The following DKKL1 variants were observed in gnomAD, a reference collection of about 807,000 sequenced individuals.
DKKL1 encodes the protein dickkopf-like protein 1.
Under a neutral mutation model 16.5 loss-of-function variants are expected in DKKL1, and 11 were observed. The observed-to-expected ratio is 0.67, with a 90% CI of 0.42 to 1.10. The LOEUF (loss-of-function observed/expected upper bound fraction) is 1.10. Among genes scored for constraint, DKKL1 ranks in the 50% least tolerant of loss-of-function variants. The pLI is 0.00. For synonymous variants in DKKL1, 119 were observed against 133.2 expected, an observed-to-expected ratio of 0.89 and a Z score of 0.73; for missense variants, 320 against 308.1, an observed-to-expected ratio of 1.04 and a Z score of -0.29.
chr19:49,362,472 G>C (rs1303813285), upstream of DKKL1: 1 of 152,306 alleles, frequency 6.6e-6, no homozygotes, highest in African/African-American at 2.4e-5. Context: ...ACCGGAGGGG[G>C]GGGCGGGCCC....
At chr19:49,366,182 T>C (rs1302007599) in intron 4 of DKKL1, among the ~76,000 whole-genome samples, 1 of 152,132 alleles carries the variant, frequency 6.6e-6, no homozygotes, top group Non-Finnish European at 1.5e-5. Flanking sequence ...CTGCCCATCT[T>C]GGCCTTCCAA....
At chr19:49,365,911 T>C (rs1450933288) in intron 4 of DKKL1, 26 bp downstream of exon 4, 8 of 1,596,856 alleles carry the variant, frequency 5.0e-6, no homozygotes, top group South Asian at 1.1e-5. Flanking sequence ...GCCGTCAAAG[T>C]GTCCAGGCCC....
chr19:49,368,235 C>G (rs1437823065), intron 4 of DKKL1, among the ~76,000 whole-genome samples: 2 of 151,774 alleles, frequency 1.3e-5, no homozygotes, highest in African/African-American at 4.8e-5. Context: ...ATTGTTTGAA[C>G]CCGGGAGGCA....
Position 49,363,931 on chromosome 19 carries a change from A to C in DKKL1, c.-68A>C. ...GCTTTAACAGTACGTGGGCGGCCGG[A>C]ATCCGGGAGTCCGGTGACCCGGGCT... On this transcript the variant is annotated 5_prime_UTR_variant, in exon 1 of 5. Transcript: ENST00000221498. 1 of 1,601,990 alleles carries C rather than the reference A, an allele frequency of 6.2e-7. No individual in the cohort carries two copies. The highest frequency in any genetic ancestry group is 8.5e-7 in the Non-Finnish European group (1 of 1,174,022).
chr19:49,374,053 C>T (rs1271355066), intron 4 of DKKL1, among the ~76,000 whole-genome samples: 1 of 151,694 alleles, frequency 6.6e-6, no homozygotes, highest in Middle Eastern at 3.2e-3. Flanking sequence ...GGTGCGATCT[C>T]GGCTCACTGC....
upstream of DKKL1, chr19:49,363,470 T>C (rs76174567): frequency 0.027 from 5,430 of 197,550 alleles, 293 homozygotes; most frequent in African/African-American, 0.12. Context: ...GACTGGAACT[T>C]GGGGTGATGA....
chr19:49,364,654 C>A lies in DKKL1; in HGVS notation c.83C>A (p.Ser28Tyr). The change falls in exon 2 of 5, where the codon TCC becomes TAC. Residue 28 changes from serine (S) to tyrosine (Y), a missense_variant. Ser to Tyr is a moderately radical substitution (Grantham distance 144). Coordinates refer to ENST00000221498, the MANE Select transcript of DKKL1 (RefSeq NM_014419.4). ...LLLLSTLVIP[S>Y]AAAPIHDADA... is the part of the protein sequence containing the mutation. ...CTCCTCTCTACCCTGGTGATCCCCT[C>A]CGCTGCAGCTCCTATCCATGATGCT... 1 of 1,614,000 alleles carries A rather than the reference C, an allele frequency of 6.2e-7. No individual in the cohort carries two copies. The highest frequency in any genetic ancestry group is 8.5e-7 in the Non-Finnish European group (1 of 1,180,044).
upstream of DKKL1, chr19:49,363,645 A>T (rs1215613908): frequency 5.2e-6 from 2 of 382,608 alleles, no homozygotes; most frequent in Non-Finnish European, 1.0e-5. Flanking sequence ...GGTCTCCAGG[A>T]CTGAGGTCAA....
Position 49,365,775 on chromosome 19 carries a change from C to G in DKKL1, c.325-18C>G. On this transcript the variant is annotated intron_variant, in intron 3 of 4. Transcript: ENST00000221498. ...AGGAAAGCAGGTTTGCTCTCACTCT[C>G]TCATCGGATCCTCACAGATGACCGA... 2 of 1,612,690 alleles carry G rather than the reference C, an allele frequency of 1.2e-6. No homozygotes were observed. The highest frequency in any genetic ancestry group is 1.7e-6 in the Non-Finnish European group (2 of 1,179,236).
intron 4 of DKKL1, among the ~76,000 whole-genome samples, chr19:49,374,053 C>A (rs1271355066): frequency 6.6e-6 from 1 of 151,694 alleles, no homozygotes; most frequent in South Asian, 2.1e-4. Context: ...GGTGCGATCT[C>A]GGCTCACTGC....
chr19:49,361,847 A>G (rs557125682), upstream of DKKL1: 1 of 152,734 alleles, frequency 6.5e-6, no homozygotes, highest in South Asian at 2.1e-4. Context: ...GGACCCCCGT[A>G]GGCCAAAATC....
chr19:49,363,807 C>A, upstream of DKKL1: 2 of 771,400 alleles, frequency 2.6e-6, no homozygotes, highest in Non-Finnish European at 4.3e-6. Context: ...GTGAGGCCGG[C>A]AAGTTTGGAG....
chr19:49,362,542 T>G (rs1024416287), upstream of DKKL1: 6 of 151,578 alleles, frequency 4.0e-5, no homozygotes, highest in East Asian at 1.2e-3. Context: ...GATTTTTGCT[T>G]TGGGAGAGAT....
chr19:49,370,429 A>G (rs2146789040), intron 4 of DKKL1: 1 of 152,038 alleles, frequency 6.6e-6, no homozygotes, highest in East Asian at 1.9e-4. Flanking sequence ...GACCTTGCCA[A>G]TGAAAGCTCA....
At chr19:49,367,040 T>A (rs765573569) in intron 4 of DKKL1, among the ~76,000 whole-genome samples, 4 of 151,736 alleles carry the variant, frequency 2.6e-5, no homozygotes, top group Non-Finnish European at 5.9e-5. Context: ...TTTTTTGTTT[T>A]TTTTGAGATG....
At chr19:49,370,975 G>A (rs1973459379) in intron 4 of DKKL1, 2 of 152,190 alleles carry the variant, frequency 1.3e-5, no homozygotes, top group Admixed American at 6.5e-5. Context: ...GAAAAATGGT[G>A]GCTCTGAGGA....
At chr19:49,372,830 C>T (rs1426368470) in intron 4 of DKKL1, among the ~76,000 whole-genome samples, 6 of 151,474 alleles carry the variant, frequency 4.0e-5, no homozygotes, top group Non-Finnish European at 5.9e-5. Flanking sequence ...GGAGAAACCC[C>T]GTCTCTACTA....
upstream of DKKL1, among the ~76,000 whole-genome samples, chr19:49,362,139 T>G (rs1322195294): frequency 1.3e-5 from 2 of 152,092 alleles, no homozygotes; most frequent in Non-Finnish European, 2.9e-5. Flanking sequence ...CACCCGCTCC[T>G]GCGCGCACGC....
upstream of DKKL1, chr19:49,363,706 C>A (rs1973112179): frequency 6.2e-6 from 3 of 485,016 alleles, no homozygotes; most frequent in Non-Finnish European, 1.1e-5. Flanking sequence ...AATGAACTCA[C>A]GGCTCTGGCT....
Sources: allele counts gnomAD v4.1 joint callset (sites outside exome capture counted in the v4.1 genomes callset), GRCh38; gene constraint gnomAD v4.1.1; transcripts MANE v1.5; gene names NCBI Gene and HGNC (gene_info 2026-07-23, HGNC 2026-07-21).